The following KSR2 variants were observed in gnomAD, a reference collection of about 807,000 sequenced individuals.
KSR2 encodes kinase suppressor of ras 2.
KSR2 carries 25 observed loss-of-function variants against 107.8 expected under a neutral mutation model. The observed-to-expected ratio is 0.23, with a 90% CI of 0.17 to 0.32. The LOEUF is 0.32. Among genes scored for constraint, KSR2 ranks in the 10% least tolerant of loss-of-function variants. The pLI is 1.00. For missense variants in KSR2, 887 were observed against 1,268.9 expected (o/e 0.70, Z 4.57); for synonymous variants, 480 against 507.0 (o/e 0.95, Z 0.71).
intron 3 of KSR2, among the ~76,000 whole-genome samples, chr12:117,775,661 T>C (rs1889660859): frequency 6.6e-6 from 1 of 152,102 alleles, no homozygotes. Context: ...GGGATAGGAA[T>C]CATCAGCCCC....
At chr12:117,790,523 C>T (rs188172198) in intron 3 of KSR2, among the ~76,000 whole-genome samples, 7 of 152,302 alleles carry the variant, frequency 4.6e-5, no homozygotes, top group East Asian at 1.9e-4. Context: ...CTTTCTGTCC[C>T]GCACCTGTGA....
At chr12:117,743,145 C>G (rs1172143508) in intron 4 of KSR2, among the ~76,000 whole-genome samples, 1 of 152,236 alleles carries the variant, frequency 6.6e-6, no homozygotes, top group Non-Finnish European at 1.5e-5. Flanking sequence ...CGCCAATCAC[C>G]ATCCATCTTA....
At chr12:117,839,371 T>C (rs1424369601) in intron 3 of KSR2, among the ~76,000 whole-genome samples, 3 of 152,190 alleles carry the variant, frequency 2.0e-5, no homozygotes, top group Admixed American at 1.3e-4. Context: ...CGCAATTTAC[T>C]GGCCATGTGA....
At chr12:117,621,928 A>G (rs7135905) in intron 5 of KSR2, among the ~76,000 whole-genome samples, 8,947 of 152,192 alleles carry the variant, frequency 0.059, 553 homozygotes, top group East Asian at 0.24. Context: ...AAAAATTTGC[A>G]AAGGATGAAA....
chr12:117,703,829 T>C (rs1886419426), intron 4 of KSR2, among the ~76,000 whole-genome samples: 1 of 152,170 alleles, frequency 6.6e-6, no homozygotes. Context: ...TCATGAGGTA[T>C]GGACTGTGAG....
At chr12:117,582,203 C>T in intron 6 of KSR2, 87 bp downstream of exon 6, 1 of 1,126,692 alleles carries the variant, frequency 8.9e-7, no homozygotes, top group South Asian at 1.3e-5. Context: ...ATAGCCTAGC[C>T]TTCTCTCACC....
At chr12:117,514,226 C>A (rs367626640) in intron 14 of KSR2, among the ~76,000 whole-genome samples, 1 of 152,218 alleles carries the variant, frequency 6.6e-6, no homozygotes, top group Admixed American at 6.5e-5. Flanking sequence ...CTTTCCCCTA[C>A]GGGAGGCATG....
intron 1 of KSR2, among the ~76,000 whole-genome samples, chr12:117,960,367 C>CA (rs1343069423): frequency 6.6e-6 from 1 of 152,172 alleles, no homozygotes; most frequent in Non-Finnish European, 1.5e-5. Flanking sequence ...ATCTATGTAA[C>CA]ATGCTCTGGC....
chr12:117,660,893 T>C (rs1884405704), intron 5 of KSR2, among the ~76,000 whole-genome samples: 1 of 152,136 alleles, frequency 6.6e-6, no homozygotes, highest in Non-Finnish European at 1.5e-5. Context: ...ATAACTCCCA[T>C]CCCATCACAG....
At chr12:117,672,873 T>TCGGCC (rs1298534160) in intron 4 of KSR2, among the ~76,000 whole-genome samples, 5 of 152,214 alleles carry the variant, frequency 3.3e-5, no homozygotes, top group Non-Finnish European at 7.3e-5. Flanking sequence ...TCTGCCCATC[T>TCGGCC]TGGCCTCGGC....
chr12:117,864,143 C>T (rs1180865027), intron 1 of KSR2, among the ~76,000 whole-genome samples: 3 of 152,086 alleles, frequency 2.0e-5, no homozygotes, highest in Non-Finnish European at 4.4e-5. Context: ...AGGGGAGGGG[C>T]TGAGGAAAGG....
intron 4 of KSR2, among the ~76,000 whole-genome samples, chr12:117,686,945 G>A (rs1885596472): frequency 6.6e-6 from 1 of 152,222 alleles, no homozygotes; most frequent in Admixed American, 6.5e-5. Context: ...AGGGCTTGGA[G>A]AGGACTCAGA....
chr12:117,808,243 A>G (rs1299327792), intron 3 of KSR2, among the ~76,000 whole-genome samples: 2 of 152,124 alleles, frequency 1.3e-5, no homozygotes, highest in Admixed American at 6.6e-5. Context: ...TGGACCTACC[A>G]AAGCAGAACC....
At chr12:117,768,536 G>A (rs1317227349) in intron 3 of KSR2, among the ~76,000 whole-genome samples, 1 of 152,186 alleles carries the variant, frequency 6.6e-6, no homozygotes, top group Non-Finnish European at 1.5e-5. Flanking sequence ...GGGCTCCTGT[G>A]TGTAGGGAAG....
chr12:117,902,492 T>C (rs1213669049), intron 1 of KSR2, among the ~76,000 whole-genome samples: 2 of 119,964 alleles, frequency 1.7e-5, no homozygotes, highest in African/African-American at 6.9e-5. Context: ...TGAGACTCTG[T>C]CTTAAAAAAA....
intron 3 of KSR2, among the ~76,000 whole-genome samples, chr12:117,819,569 C>A (rs1308872716): frequency 6.6e-6 from 1 of 152,100 alleles, no homozygotes; most frequent in East Asian, 1.9e-4. Flanking sequence ...TAAATCTGGG[C>A]AGCTGATTAA....
rs1384984433 is a variant in KSR2 at position 117,471,093 on chromosome 12, G to A, written c.2712+98C>T. The stretch of plus-strand genomic sequence containing the variant: ...GCATATTTTTTTGGTCACCCTATGG[G>A]AAAGCATTTGTAACCTTAACACATA... On this transcript the variant is annotated intron_variant, in intron 18 of 19. Transcript: ENST00000339824. 3 of 1,474,656 alleles carry A rather than the reference G, an allele frequency of 2.0e-6. No individual in the cohort carries two copies. In the African/African-American group the frequency reaches 4.2e-5, roughly 21 times the overall value. The allele number at this position is 1,474,656 out of a possible 1,614,324, so 91.3% of individuals were successfully genotyped here.
At chr12:117,572,075 C>T (rs1878927772) in intron 7 of KSR2, among the ~76,000 whole-genome samples, 1 of 152,212 alleles carries the variant, frequency 6.6e-6, no homozygotes, top group African/African-American at 2.4e-5. Flanking sequence ...CATCTCCGCT[C>T]TCCCCCAGTC....
At chr12:117,814,241 A>T (rs1891294903) in intron 3 of KSR2, among the ~76,000 whole-genome samples, 1 of 152,204 alleles carries the variant, frequency 6.6e-6, no homozygotes, top group Non-Finnish European at 1.5e-5. Context: ...TACAGTTAAT[A>T]ATAAATAGCT....
Sources: allele counts gnomAD v4.1 joint callset (sites outside exome capture counted in the v4.1 genomes callset), GRCh38; gene constraint gnomAD v4.1.1; transcripts MANE v1.5; gene names NCBI Gene and HGNC (gene_info 2026-07-23, HGNC 2026-07-21).